The following NLRP1 variants were observed in gnomAD, a reference collection of about 807,000 sequenced individuals.
The protein encoded by NLRP1 is NLR family pyrin domain containing 1, also known as NACHT, LRR and PYD domains-containing protein 1.
NLRP1 carries 94 observed loss-of-function variants against 136.7 expected under a neutral mutation model. That is an observed-to-expected ratio of 0.69 (90% CI 0.58 to 0.82). The LOEUF is 0.82. NLRP1 is among the 40% of genes least tolerant of loss of function. The pLI, the probability that NLRP1 is intolerant of heterozygous loss-of-function variation, is 0.00. For missense variants in NLRP1, 1,575 were observed against 1,802.7 expected (o/e 0.87, Z 2.29); for synonymous variants, 690 against 725.1 (o/e 0.95, Z 0.78).
intron 3 of NLRP1, among the ~76,000 whole-genome samples, chr17:5,562,846 T>C (rs1027272099): frequency 6.6e-6 from 1 of 152,152 alleles, no homozygotes; most frequent in African/African-American, 2.4e-5. Flanking sequence ...AGGAAGCACT[T>C]TGGCCTGCAC....
Position 5,558,998 on chromosome 17 carries a change from G to A in NLRP1, c.1698C>T (p.Pro566=), listed in dbSNP as rs747493445. ...AQALQAQPLG[P]QLRDLCSLAA... ...CCAGAGAGCAGAGGTCTCTGAGCTGGGGTCCCAATGGCTGAGCTTGGAGAG... is the reference window on the plus strand; with the variant it reads ...CCAGAGAGCAGAGGTCTCTGAGCTGAGGTCCCAATGGCTGAGCTTGGAGAG... Residue 566 remains proline (P), a synonymous_variant, in exon 4 of 17, where the codon CCC becomes CCT. Coordinates refer to ENST00000572272, the MANE Select transcript of NLRP1 (RefSeq NM_033004.4). The A allele has an allele frequency of 1.9e-6, 3 of 1,614,062 alleles. No individual in the cohort carries two copies. Among genetic ancestry groups the A allele is most frequent in the Non-Finnish European group, 2.5e-6 (3 of 1,180,004 alleles).
intron 5 of NLRP1, among the ~76,000 whole-genome samples, chr17:5,545,465 GACACACACACAGAC>G (rs1226841049): frequency 5.6e-4 from 70 of 125,538 alleles, no homozygotes; most frequent in African/African-American, 1.7e-3. Context: ...CACACATACA[GACACACACACAGAC>G]ACACACACAC....
intron 3 of NLRP1, among the ~76,000 whole-genome samples, chr17:5,564,489 T>G (rs1190046384): frequency 6.6e-6 from 1 of 152,182 alleles, no homozygotes; most frequent in Non-Finnish European, 1.5e-5. Context: ...TCACATAACG[T>G]AATCTCCAGT....
chr17:5,565,034 G>A (rs1278390538), intron 3 of NLRP1, among the ~76,000 whole-genome samples: 1 of 151,780 alleles, frequency 6.6e-6, no homozygotes, highest in Non-Finnish European at 1.5e-5. Flanking sequence ...ACTGCGCCCA[G>A]CCAATTTTTA....
chr17:5,532,469 C>T (rs534237479), intron 11 of NLRP1, among the ~76,000 whole-genome samples: 6 of 151,850 alleles, frequency 4.0e-5, no homozygotes, highest in South Asian at 2.1e-4. Flanking sequence ...TAAAATCACC[C>T]GATGTCTTGG....
At chr17:5,563,113 A>G (rs1018762869) in intron 3 of NLRP1, among the ~76,000 whole-genome samples, 17 of 152,180 alleles carry the variant, frequency 1.1e-4, no homozygotes, top group Non-Finnish European at 1.9e-4. Context: ...CAAAACAAAA[A>G]AAACCCCATC....
chr17:5,570,108 TAAAGCAGTGGA>T (rs1915717825), intron 3 of NLRP1, among the ~76,000 whole-genome samples: 1 of 151,996 alleles, frequency 6.6e-6, no homozygotes, highest in Non-Finnish European at 1.5e-5. Context: ...GGGACACAGA[TAAAGCAGTGGA>T]AAGTTTATAG....
chr17:5,539,348 TCCATCCCC>T, intron 7 of NLRP1, 59 bp downstream of exon 7: 4 of 1,473,876 alleles, frequency 2.7e-6, no homozygotes, highest in Admixed American at 4.3e-5. Flanking sequence ...CAGTCCTTTT[TCCATCCCC>T]TGTCCGATAC....
chr17:5,578,351 A>G (rs1905229680), intron 3 of NLRP1, among the ~76,000 whole-genome samples: 1 of 152,240 alleles, frequency 6.6e-6, no homozygotes, highest in South Asian at 2.1e-4. Flanking sequence ...AAATTTTTGC[A>G]ATCTACTCAT....
At chr17:5,580,199 C>A (rs187368630) in intron 3 of NLRP1, among the ~76,000 whole-genome samples, 20 of 152,210 alleles carry the variant, frequency 1.3e-4, no homozygotes, top group African/African-American at 4.8e-4. Context: ...CACGCCACTG[C>A]ACTCCAGCCT....
chr17:5,514,775 T>A lies in NLRP1; in HGVS notation c.4401A>T (p.Gly1467=), dbSNP rs755321723. 6.2e-7 allele frequency: 1 copy of A among 1,613,420 alleles called. No individual in the cohort carries two copies. Among genetic ancestry groups the A allele is most frequent in the Non-Finnish European group, 8.5e-7 (1 of 1,179,832 alleles). ...MELWEKGSKK[G]LLPLSS ...TACTTCAGCTGCTGAGTGGCAGGAG[T>A]CCCTTTTTGCTGCCCTTCTCCCAGA... The change falls in exon 17 of 17, where the codon GGA becomes GGT. Residue 1467 remains glycine (G), a synonymous_variant. Transcript: ENST00000572272.
At chr17:5,566,649 G>A (rs1174109993) in intron 3 of NLRP1, among the ~76,000 whole-genome samples, 1 of 152,118 alleles carries the variant, frequency 6.6e-6, no homozygotes, top group Non-Finnish European at 1.5e-5. Context: ...CTCTTGGATG[G>A]AATGTTCTGT....
At chr17:5,579,997 G>A (rs1905429140) in intron 3 of NLRP1, among the ~76,000 whole-genome samples, 1 of 152,122 alleles carries the variant, frequency 6.6e-6, no homozygotes, top group South Asian at 2.1e-4. Context: ...ACTTTGGGTG[G>A]CTGAGGTGGG....
At position 5,581,856 on chromosome 17, in the gene NLRP1, C is replaced by A; in HGVS notation, c.652+3G>T. On this transcript the variant is annotated splice_donor_region_variant and intron_variant, in intron 3 of 16. Transcript: ENST00000572272. ...CCCCGCCAGGAGCTCAGTAGGGTCTCACCTGTGTAGTAAATTCCTGACGTT... is the reference window on the plus strand; with the variant it reads ...CCCCGCCAGGAGCTCAGTAGGGTCTAACCTGTGTAGTAAATTCCTGACGTT... 6.2e-7 allele frequency: 1 copy of A among 1,610,742 alleles called. No individual in the cohort carries two copies. Among genetic ancestry groups the A allele is most frequent in the Non-Finnish European group, 8.5e-7 (1 of 1,178,544 alleles).
At position 5,573,584 on chromosome 17, in the gene NLRP1, A is replaced by G. The variant is rs192344206; in HGVS notation, c.652+8275T>C. On this transcript the variant is annotated intron_variant, in intron 3 of 16. Transcript: ENST00000572272. ...CACCCCCAAGTAGGGGCAGACTGAC[A>G]CCTCACACAGCCGTCTACCTCTCTG... 8.2e-3 allele frequency among the ~76,000 whole-genome samples: 1,244 copies of G among 152,290 alleles called. 11 individuals are homozygous for G. The highest frequency in any genetic ancestry group is 0.014 in the Non-Finnish European group (935 of 68,022).
intron 5 of NLRP1, among the ~76,000 whole-genome samples, chr17:5,543,333 G>A (rs1048563306): frequency 2.0e-5 from 3 of 152,248 alleles, no homozygotes; most frequent in Non-Finnish European, 4.4e-5. Flanking sequence ...AGGTGAGGGC[G>A]GAGGCAGGGG....
chr17:5,514,584 G>A lies in NLRP1; in HGVS notation c.*170C>T. On this transcript the variant is annotated 3_prime_UTR_variant, in exon 17 of 17. Transcript: ENST00000572272. Reference sequence around the variant, plus strand: ...GGCCACCTGGACTGGGGCCCCCTGTGGCATCCCTGGCATGGACACATAATG... The same window carrying A: ...GGCCACCTGGACTGGGGCCCCCTGTAGCATCCCTGGCATGGACACATAATG... The A allele has an allele frequency of 2.8e-6, 4 of 1,443,728 alleles. No individual in the cohort carries two copies. Among genetic ancestry groups the A allele is most frequent in the Non-Finnish European group, 2.7e-6 (3 of 1,102,312 alleles). The allele number at this position is 1,443,728 out of a possible 1,614,324, so 89.4% of individuals were successfully genotyped here.
chr17:5,580,019 G>A (rs774700561), intron 3 of NLRP1, among the ~76,000 whole-genome samples: 4 of 151,938 alleles, frequency 2.6e-5, no homozygotes, highest in Non-Finnish European at 5.9e-5. Flanking sequence ...GGATCACCTC[G>A]GATCAGGAGT....
intron 3 of NLRP1, among the ~76,000 whole-genome samples, chr17:5,573,897 C>T (rs897510987): frequency 6.6e-5 from 10 of 152,172 alleles, no homozygotes; most frequent in African/African-American, 1.4e-4. Context: ...AAAATCAGAG[C>T]GCCTCTCCCC....
Sources: gnomAD v4.1 joint callset for allele counts (sites outside exome capture counted in the v4.1 genomes callset) on GRCh38, gnomAD v4.1.1 for gene constraint, MANE v1.5 for transcripts, NCBI Gene and HGNC (gene_info 2026-07-23, HGNC 2026-07-21) for gene names.